ADGRV1: variants seen among roughly 807,000 people sequenced by gnomAD.
ADGRV1 encodes the protein G-protein coupled receptor 98.
In ADGRV1, 359 loss-of-function variants were observed where a neutral mutation model predicts 596.2. The observed-to-expected ratio is 0.60, with a 90% CI of 0.55 to 0.66. The LOEUF is 0.66. Among genes scored for constraint, ADGRV1 ranks in the 30% least tolerant of loss-of-function variants. The pLI, the probability that ADGRV1 is intolerant of heterozygous loss-of-function variation, is 0.00. For synonymous variants in ADGRV1, 2,681 were observed against 2,679.2 expected, an observed-to-expected ratio of 1.00 and a Z score of -0.02; for missense variants, 7,274 against 7,575.6, an observed-to-expected ratio of 0.96 and a Z score of 1.48.
intron 83 of ADGRV1, among the ~76,000 whole-genome samples, chr5:90,924,222 G>A (rs2150756217): frequency 6.6e-6 from 1 of 151,842 alleles, no homozygotes; most frequent in Middle Eastern, 3.4e-3. Context: ...TTCCACAATG[G>A]TTGAACTAGT....
intron 78 of ADGRV1, 61 bp downstream of exon 78, chr5:90,841,046 G>C (rs1286080826): frequency 1.7e-6 from 2 of 1,177,348 alleles, no homozygotes; most frequent in East Asian, 2.5e-5. Context: ...AAAAACCCAA[G>C]TAAAACCAAA....
chr5:90,754,044 A>G (rs1219886210), intron 54 of ADGRV1, among the ~76,000 whole-genome samples: 2 of 152,154 alleles, frequency 1.3e-5, no homozygotes, highest in Admixed American at 1.3e-4. Flanking sequence ...TAAAAGATAC[A>G]TTATATTAGA....
intron 39 of ADGRV1, among the ~76,000 whole-genome samples, chr5:90,709,438 T>C (rs1219478543): frequency 6.6e-6 from 1 of 152,222 alleles, no homozygotes; most frequent in Non-Finnish European, 1.5e-5. Context: ...AAAAGATGTA[T>C]TCCTATGTTT....
chr5:90,769,963 G>A (rs1453084635), intron 59 of ADGRV1, among the ~76,000 whole-genome samples: 1 of 152,194 alleles, frequency 6.6e-6, no homozygotes, highest in Non-Finnish European at 1.5e-5. Flanking sequence ...CTAAAGCTCT[G>A]AGGTAGGTGG....
chr5:90,799,698 T>C (rs1283835394), intron 70 of ADGRV1, among the ~76,000 whole-genome samples: 1 of 152,014 alleles, frequency 6.6e-6, no homozygotes, highest in Non-Finnish European at 1.5e-5. Context: ...CCTACAGTAA[T>C]CAAAACAGCA....
At chr5:90,773,530 T>C (rs921672790) in intron 59 of ADGRV1, among the ~76,000 whole-genome samples, 6 of 152,130 alleles carry the variant, frequency 3.9e-5, no homozygotes, top group Admixed American at 2.6e-4. Context: ...TAGGAATAGA[T>C]TCAGCAAGAA....
At chr5:90,884,168 G>A (rs74442233) in intron 83 of ADGRV1, among the ~76,000 whole-genome samples, 6,217 of 152,212 alleles carry the variant, frequency 0.041, 220 homozygotes, top group South Asian at 0.11. Flanking sequence ...GTGGGGCACT[G>A]TCCTGTGTAT....
chr5:90,829,356 A>T (rs1764339171), intron 77 of ADGRV1, among the ~76,000 whole-genome samples, 170 bp downstream of exon 77: 1 of 152,182 alleles, frequency 6.6e-6, no homozygotes, highest in Non-Finnish European at 1.5e-5. Context: ...CTTTTCACTC[A>T]TCAGTAACAG....
intron 87 of ADGRV1, among the ~76,000 whole-genome samples, chr5:91,118,658 A>G (rs1309760149): frequency 6.6e-6 from 1 of 152,088 alleles, no homozygotes; most frequent in African/African-American, 2.4e-5. Context: ...TCTTGAGATC[A>G]GGGGCCATGA....
chr5:90,791,440 G>A, intron 70 of ADGRV1, 94 bp downstream of exon 70: 1 of 958,784 alleles, frequency 1.0e-6, no homozygotes, highest in Middle Eastern at 2.5e-4. Context: ...ATCTTATTCA[G>A]GTATTTAAAT....
chr5:90,850,318 T>C (rs1395958480), intron 79 of ADGRV1, among the ~76,000 whole-genome samples: 2 of 152,196 alleles, frequency 1.3e-5, no homozygotes, highest in Non-Finnish European at 2.9e-5. Context: ...ATTGAGGTTT[T>C]TTCTTAATGT....
chr5:90,893,192 G>A (rs1770986766), intron 83 of ADGRV1, among the ~76,000 whole-genome samples: 1 of 152,144 alleles, frequency 6.6e-6, no homozygotes, highest in East Asian at 1.9e-4. Context: ...ACTGACTAGT[G>A]TGACGATTGG....
At chr5:90,997,788 C>T (rs926361261) in intron 85 of ADGRV1, among the ~76,000 whole-genome samples, 3 of 152,126 alleles carry the variant, frequency 2.0e-5, no homozygotes, top group Admixed American at 1.3e-4. Context: ...ATTACTTACC[C>T]TCTGTGAGCT....
intron 83 of ADGRV1, among the ~76,000 whole-genome samples, chr5:90,924,555 G>A (rs1217772994): frequency 6.6e-6 from 1 of 150,424 alleles, no homozygotes; most frequent in Non-Finnish European, 1.5e-5. Context: ...TGAGTAGGTT[G>A]TGAAAATTTT....
chr5:90,763,501 T>C, intron 59 of ADGRV1, 32 bp downstream of exon 59: 1 of 1,572,936 alleles, frequency 6.4e-7, no homozygotes, highest in East Asian at 2.3e-5. Context: ...CTGTAATTTT[T>C]CCCCAATTTG....
At chr5:91,104,429 T>A (rs139318058) in intron 87 of ADGRV1, among the ~76,000 whole-genome samples, 20 of 152,354 alleles carry the variant, frequency 1.3e-4, no homozygotes, top group Non-Finnish European at 2.6e-4. Flanking sequence ...CATCATTACT[T>A]TGTGTTGGGA....
intron 24 of ADGRV1, 45 bp downstream of exon 24, chr5:90,675,490 CA>C: frequency 1.3e-6 from 2 of 1,511,150 alleles, no homozygotes; most frequent in Non-Finnish European, 1.8e-6. Flanking sequence ...ACTTGTAAAA[CA>C]GACATAATCC....
chr5:90,792,922 C>G (rs751174129), intron 70 of ADGRV1: 1 of 152,252 alleles, frequency 6.6e-6, no homozygotes, highest in Non-Finnish European at 1.5e-5. Flanking sequence ...CATGCTGATT[C>G]AGCCTCACGT....
chr5:90,910,963 T>A (rs2150689776), intron 83 of ADGRV1, among the ~76,000 whole-genome samples: 1 of 152,314 alleles, frequency 6.6e-6, no homozygotes, highest in East Asian at 1.9e-4. Flanking sequence ...TATTTGAACC[T>A]TGAAACACCA....
Sources: gnomAD v4.1 joint callset for allele counts (sites outside exome capture counted in the v4.1 genomes callset) on GRCh38, gnomAD v4.1.1 for gene constraint, MANE v1.5 for transcripts, NCBI Gene and HGNC (gene_info 2026-07-23, HGNC 2026-07-21) for gene names.